The following FSCN2 variants were observed in gnomAD, a reference collection of about 807,000 sequenced individuals.
The protein encoded by FSCN2 is fascin actin-bundling protein 2, retinal.
A neutral mutation model predicts 37.8 loss-of-function variants in FSCN2; 46 were observed. The ratio of observed to expected loss-of-function variants is 1.22; its 90% confidence interval spans 0.96 to 1.56. The LOEUF is 1.56. Among genes scored for constraint, FSCN2 ranks in the 40% most tolerant of loss-of-function variants. FSCN2 has a pLI of 0.00. For synonymous variants in FSCN2, 351 were observed against 309.4 expected (o/e 1.13, Z -1.41); for missense variants, 844 against 730.4 (o/e 1.16, Z -1.79).
chr17:81,535,136 C>G lies in FSCN2; in HGVS notation c.911C>G (p.Thr304Ser). Residue 304 changes from threonine (T) to serine (S), a missense_variant, in exon 2 of 5, where the codon ACC (threonine) becomes AGC (serine). Transcript: ENST00000417245. ...MQIDQETKKC[T>S]FYSSTGGYWT... ...ATTGACCAGGAGACAAAGAAGTGCACCTTCTATTCCAGCACTGGGGGCTAC... is the reference window on the plus strand; with the variant it reads ...ATTGACCAGGAGACAAAGAAGTGCAGCTTCTATTCCAGCACTGGGGGCTAC... 1 of 1,533,752 alleles carries G rather than the reference C, an allele frequency of 6.5e-7. No individual in the cohort carries two copies. The highest frequency in any genetic ancestry group is 8.7e-7 in the Non-Finnish European group (1 of 1,145,016).
At chr17:81,531,778 T>C (rs376622732) in intron 1 of FSCN2, among the ~76,000 whole-genome samples, 3 of 141,530 alleles carry the variant, frequency 2.1e-5, no homozygotes, top group African/African-American at 8.4e-5. Flanking sequence ...ATGATAGTGA[T>C]GGTGATGATG....
chr17:81,529,357 G>A lies in FSCN2; in HGVS notation c.826G>A (p.Gly276Arg), dbSNP rs782511259. The stretch of plus-strand genomic sequence containing the variant: ...CCACCGCTACGTCTCTGTGCGGCAA[G>A]GTAGGGAGGGCACAGGTGGCGACCT... ...ANHRYVSVRQGVNVSANQDDE... is the reference protein window; with the variant it reads ...ANHRYVSVRQRVNVSANQDDE... Residue 276 changes from glycine to arginine, a missense_variant and splice_region_variant, in exon 1 of 5, where the codon GGG becomes AGG. Gly to Arg is a moderately radical substitution (Grantham distance 125). Coordinates refer to ENST00000417245, the MANE Select transcript of FSCN2 (RefSeq NM_012418.4). 129 of 1,536,928 alleles carry A rather than the reference G, an allele frequency of 8.4e-5. No homozygotes were observed. The highest frequency in any genetic ancestry group is 1.6e-5 in the Non-Finnish European group (18 of 1,140,268).
Position 81,536,650 on chromosome 17 carries a change from C to T in FSCN2, c.1134C>T (p.Leu378=). 1.9e-6 allele frequency: 3 copies of T among 1,610,954 alleles called. No homozygotes were observed. The highest frequency in any genetic ancestry group is 2.5e-6 in the Non-Finnish European group (3 of 1,179,658). ...AGGACGAAGAGTTCACCCTCAAGCT[C>T]ATCAACCGGCCCATCCTGGTGCTGC... ...VGKDEEFTLK[L]INRPILVLRG... Residue 378 remains leucine, a synonymous_variant, in exon 4 of 5, where the codon CTC becomes CTT. Coordinates refer to ENST00000417245, the MANE Select transcript of FSCN2 (RefSeq NM_012418.4).
At chr17:81,531,246 A>ATGGTGG in intron 1 of FSCN2, among the ~76,000 whole-genome samples, 1 of 29,650 alleles carries the variant, frequency 3.4e-5, no homozygotes, top group Admixed American at 3.2e-4. Context: ...GGTGGTGATG[A>ATGGTGG]TGGTGATGGT....
At chr17:81,515,682 G>A in the FSCN2 span, among the ~76,000 whole-genome samples, 1 of 152,146 alleles carries the variant, frequency 6.6e-6, no homozygotes, top group Non-Finnish European at 1.5e-5. Context: ...TCAGCCCCCG[G>A]ACTCTGGGTC....
rs1338620397 is a variant in FSCN2, at chr17:81,536,258, G to A, written c.1096G>A (p.Asp366Asn). The change falls in exon 3 of 5, where the codon GAT (aspartate) becomes AAT (asparagine). Residue 366 changes from aspartate to asparagine, a missense_variant. Asp to Asn is a conservative substitution (Grantham distance 23). Coordinates refer to ENST00000417245, the MANE Select transcript of FSCN2 (RefSeq NM_012418.4). ...KKNGQLAAISDFVGKDEEFTL... is the reference protein window; with the variant it reads ...KKNGQLAAISNFVGKDEEFTL... ...GAATGGGCAGCTGGCGGCTATCAGC[G>A]ATTTTGTCGGTGAGCACTCTGCCTG... 1.9e-6 allele frequency: 3 copies of A among 1,598,848 alleles called. No homozygotes were observed. The highest frequency in any genetic ancestry group is 2.6e-6 in the Non-Finnish European group (3 of 1,173,680).
chr17:81,525,119 C>G (rs952248926), upstream of FSCN2, among the ~76,000 whole-genome samples: 1 of 151,816 alleles, frequency 6.6e-6, no homozygotes. Flanking sequence ...AACCCTGTCT[C>G]TAAGATAAAT....
Position 81,536,252 on chromosome 17 carries a change from A to G in FSCN2, c.1090A>G (p.Ile364Val). ...CMKKNGQLAA[I>V]SDFVGKDEEF... ...GAAGAAGAATGGGCAGCTGGCGGCT[A>G]TCAGCGATTTTGTCGGTGAGCACTC... The change falls in exon 3 of 5, where the codon ATC becomes GTC. Residue 364 changes from isoleucine (I) to valine (V), a missense_variant. Ile to Val is a conservative substitution (Grantham distance 29). Coordinates refer to ENST00000417245, the MANE Select transcript of FSCN2 (RefSeq NM_012418.4). 1 of 1,600,558 alleles carries G rather than the reference A, an allele frequency of 6.2e-7. No individual in the cohort carries two copies. Among genetic ancestry groups the G allele is most frequent in the East Asian group, 2.3e-5 (1 of 44,242 alleles).
At chr17:81,532,602 A>G (rs1387565483) in intron 1 of FSCN2, among the ~76,000 whole-genome samples, 121 of 139,230 alleles carry the variant, frequency 8.7e-4, no homozygotes, top group Middle Eastern at 3.7e-3. Context: ...GATGGTGATG[A>G]TGGTGATGGT....
Position 81,537,116 on chromosome 17 carries a change from CGTG to C in FSCN2, c.*37_*39del. The stretch of plus-strand genomic sequence containing the variant: ...AGACCAGCCTGTCGCGCATTAAAAC[CGTG>C]TCTCTCCCGCAGCTGTGGGTGGGCC... On this transcript the variant is annotated 3_prime_UTR_variant, in exon 5 of 5. Transcript: ENST00000417245. 1 of 1,360,378 alleles carries C rather than the reference CGTG, an allele frequency of 7.4e-7. No individual in the cohort carries two copies. The highest frequency in any genetic ancestry group is 9.5e-7 in the Non-Finnish European group (1 of 1,053,880). The allele number at this position is 1,360,378 out of a possible 1,614,324, so 84.3% of individuals were successfully genotyped here. A position where few individuals can be genotyped will look rare whatever the true frequency, so the allele number is the denominator to read the frequency against.
chr17:81,526,873 C>T (rs782215970), upstream of FSCN2, among the ~76,000 whole-genome samples: 44 of 152,204 alleles, frequency 2.9e-4, no homozygotes, highest in African/African-American at 7.0e-4. Flanking sequence ...CTCATAAATG[C>T]GTGTGAATCA....
upstream of FSCN2, chr17:81,528,315 C>A (rs1280783147): frequency 4.2e-5 from 24 of 577,806 alleles, no homozygotes; most frequent in East Asian, 6.7e-4. Flanking sequence ...GATCCGCCCT[C>A]CCCGCCCGCC....
In FSCN2 at chr17:81,536,197, C is replaced by CA. The variant is rs1391198801; in HGVS notation, c.1038dup (p.Ala347SerfsTer109). On this transcript the variant is annotated frameshift_variant, in exon 3 of 5. Transcript: ENST00000417245. LOFTEE classifies it high-confidence loss of function. Reference sequence around the variant, plus strand: ...AGTGGCGTGGCCGGCGGGTAGCACTCAAAGCCAGCAACGGGCGCTACGTGT... The same window carrying CA: ...AGTGGCGTGGCCGGCGGGTAGCACTCAAAAGCCAGCAACGGGCGCTACGTGT... 1.2e-6 allele frequency: 2 copies of CA among 1,600,606 alleles called. No homozygotes were observed. Among genetic ancestry groups the CA allele is most frequent in the Middle Eastern group, 3.3e-4 (2 of 6,042 alleles).
At chr17:81,532,195 T>C (rs1308647080) in intron 1 of FSCN2, among the ~76,000 whole-genome samples, 3 of 148,078 alleles carry the variant, frequency 2.0e-5, no homozygotes, top group African/African-American at 5.1e-5. Context: ...GTGGTGATGG[T>C]GGTGGTGGTG....
chr17:81,531,726 G>GTGGTGATGA (rs1555671370), intron 1 of FSCN2, among the ~76,000 whole-genome samples: 1 of 109,204 alleles, frequency 9.2e-6, no homozygotes, highest in African/African-American at 4.2e-5. Context: ...GGTGGTGATG[G>GTGGTGATGA]TGATGGTGAT....
chr17:81,530,128 A>G, intron 1 of FSCN2: 1 of 281,438 alleles, frequency 3.6e-6, no homozygotes, highest in South Asian at 4.1e-5. Flanking sequence ...TGGACTTTAA[A>G]GGAAATTGGG....
the FSCN2 span, among the ~76,000 whole-genome samples, chr17:81,517,609 G>T: frequency 1.3e-5 from 2 of 152,176 alleles, no homozygotes; most frequent in Non-Finnish European, 2.9e-5. Flanking sequence ...CAAGGGCATA[G>T]CCCCAGGCCC....
chr17:81,535,692 A>G (rs1433491510), intron 2 of FSCN2, among the ~76,000 whole-genome samples: 2 of 51,586 alleles, frequency 3.9e-5, no homozygotes, highest in African/African-American at 1.5e-4. Flanking sequence ...CTCCATCCCC[A>G]TCTCTGCCAT....
chr17:81,528,021 C>A (rs1361789095), upstream of FSCN2, among the ~76,000 whole-genome samples: 2 of 152,068 alleles, frequency 1.3e-5, no homozygotes, highest in Non-Finnish European at 2.9e-5. Context: ...TGCGGCCGAG[C>A]CGTGAGCGTT....
Sources: allele counts gnomAD v4.1 joint callset (sites outside exome capture counted in the v4.1 genomes callset), GRCh38; gene constraint gnomAD v4.1.1; transcripts MANE v1.5; gene names NCBI Gene and HGNC (gene_info 2026-07-23, HGNC 2026-07-21).